CBL: variants seen among roughly 807,000 people sequenced by gnomAD.
CBL encodes the protein E3 ubiquitin-protein ligase CBL.
In CBL, 45 loss-of-function variants were observed where a neutral mutation model predicts 96.9. The observed-to-expected ratio is 0.46, with a 90% CI of 0.37 to 0.60. The LOEUF (loss-of-function observed/expected upper bound fraction) is 0.60. Among genes scored for constraint, CBL ranks in the 20% least tolerant of loss-of-function variants. CBL has a pLI of 0.00. For missense variants in CBL, 1,024 were observed against 1,143.5 expected (o/e 0.90, Z 1.51); for synonymous variants, 420 against 426.8 (o/e 0.98, Z 0.20).
chr11:119,304,057 AG>A lies in CBL; in HGVS notation c.*4277del, dbSNP rs776260082. ...TTAGTCAGTTGTTGGGTCTTCCAAG[AG>A]CCAGACATTAATACAGATTGAACTC... On this transcript the variant is annotated 3_prime_UTR_variant, in exon 16 of 16. Transcript: ENST00000264033. The A allele has an allele frequency of 4.3e-6, 1 of 233,692 alleles. No individual in the cohort carries two copies. Among genetic ancestry groups the A allele is most frequent in the Non-Finnish European group, 8.5e-6 (1 of 118,058 alleles). The allele number at this position is 233,692 out of a possible 1,614,324, so 14.5% of individuals were successfully genotyped here. A position where few individuals can be genotyped will look rare whatever the true frequency, so the allele number is the denominator to read the frequency against.
intron 1 of CBL, among the ~76,000 whole-genome samples, chr11:119,215,429 A>T (rs34057419): frequency 0.11 from 16,110 of 144,250 alleles, 1,095 homozygotes; most frequent in Non-Finnish European, 0.15. Context: ...AACAGCCTAA[A>T]TTTTTTTTTT....
chr11:119,227,117 A>G (rs1369040443), intron 1 of CBL, among the ~76,000 whole-genome samples: 1 of 152,034 alleles, frequency 6.6e-6, no homozygotes, highest in Non-Finnish European at 1.5e-5. Context: ...TTGAATATCC[A>G]TATAACCATT....
rs534836222 is a variant in CBL, at chr11:119,290,270, T to A, written c.2036+2324T>A. ...CATGTTGCCCAGGCTGGTCTCGAACTTCTGGGCTCAAGAGGTTTGCCCGCC... is the reference window on the plus strand; with the variant it reads ...CATGTTGCCCAGGCTGGTCTCGAACATCTGGGCTCAAGAGGTTTGCCCGCC... On this transcript the variant is annotated intron_variant, in intron 12 of 15. Transcript: ENST00000264033. Among the ~76,000 whole-genome samples, 3 of 152,206 alleles carry A rather than the reference T, an allele frequency of 2.0e-5. No individual in the cohort carries two copies. The South Asian group carries it at 6.2e-4, about 32-fold the overall frequency.
At chr11:119,251,513 T>A (rs116897581) in intron 2 of CBL, among the ~76,000 whole-genome samples, 2,511 of 152,342 alleles carry the variant, frequency 0.016, 38 homozygotes, top group Middle Eastern at 0.054. Flanking sequence ...ACTTCAAACA[T>A]CATATAAAGT....
chr11:119,228,127 T>C (rs931346142), intron 1 of CBL, among the ~76,000 whole-genome samples: 2 of 152,044 alleles, frequency 1.3e-5, no homozygotes, highest in Non-Finnish European at 2.9e-5. Flanking sequence ...TGTATTCTCT[T>C]TTTTTTGAGA....
chr11:119,227,999 A>G (rs1223151533), intron 1 of CBL, among the ~76,000 whole-genome samples: 1 of 151,416 alleles, frequency 6.6e-6, no homozygotes, highest in Non-Finnish European at 1.5e-5. Context: ...AACTGGTACA[A>G]CCTTTAACTT....
intron 12 of CBL, among the ~76,000 whole-genome samples, chr11:119,295,909 C>CA (rs1473131762): frequency 4.6e-5 from 7 of 152,058 alleles, no homozygotes; most frequent in Non-Finnish European, 8.8e-5. Flanking sequence ...TTGTAGATAC[C>CA]AATACACTTC....
At chr11:119,266,084 T>C (rs1448747324) in intron 2 of CBL, among the ~76,000 whole-genome samples, 1 of 150,518 alleles carries the variant, frequency 6.6e-6, no homozygotes, top group Non-Finnish European at 1.5e-5. Context: ...CTGGTCCAGC[T>C]ATTCAGGAGG....
chr11:119,252,466 G>T (rs1310180823), intron 2 of CBL, among the ~76,000 whole-genome samples: 1 of 152,068 alleles, frequency 6.6e-6, no homozygotes, highest in Non-Finnish European at 1.5e-5. Flanking sequence ...CTTCCATTGT[G>T]CTTTCTGTTA....
At chr11:119,273,764 G>A in intron 3 of CBL, 104 bp from the exon 4 acceptor site, 1 of 947,410 alleles carries the variant, frequency 1.1e-6, no homozygotes, top group South Asian at 1.4e-5. Flanking sequence ...ATTGAAATTG[G>A]TATTGAGAGC....
In CBL at chr11:119,232,576, A is replaced by G; in HGVS notation, c.324A>G (p.Thr108=). 1 of 1,614,148 alleles carries G rather than the reference A, an allele frequency of 6.2e-7. No homozygotes were observed. The highest frequency in any genetic ancestry group is 8.5e-7 in the Non-Finnish European group (1 of 1,180,002). Residue 108 remains threonine, a synonymous_variant, in exon 2 of 16, where the codon ACA becomes ACG. Coordinates refer to ENST00000264033, the MANE Select transcript of CBL (RefSeq NM_005188.4). ...ILSRYEGKME[T]LGENEYFRVF... ...CAAGATATGAGGGGAAGATGGAGAC[A>G]CTTGGAGAAAATGAGTATTTTAGGG...
rs1211132339 is a variant in CBL at position 119,206,567 on chromosome 11, G to A, written c.150G>A (p.Thr50=). Residue 50 remains threonine, a synonymous_variant, in exon 1 of 16, where the codon ACG becomes ACA. Transcript: ENST00000264033. ...HHHLSPHPPG[T]VDKKMVEKCW... ...ACCTCAGCCCCCACCCGCCGGGGAC[G>A]GTGGACAAGAAGATGGTGGAGAAGT... 6.5e-7 allele frequency: 1 copy of A among 1,549,572 alleles called. No homozygotes were observed. The highest frequency in any genetic ancestry group is 8.7e-7 in the Non-Finnish European group (1 of 1,146,642).
intron 2 of CBL, among the ~76,000 whole-genome samples, chr11:119,266,032 A>AAAAAAAG (rs1213584463): frequency 7.9e-4 from 118 of 148,912 alleles, no homozygotes; most frequent in Middle Eastern, 3.4e-3. Flanking sequence ...AAAAAAAAAA[A>AAAAAAAG]AAAGAAAGAA....
intron 5 of CBL, among the ~76,000 whole-genome samples, chr11:119,275,684 G>A (rs372663951): frequency 6.6e-6 from 1 of 151,548 alleles, no homozygotes; most frequent in Admixed American, 6.6e-5. Context: ...CCAACATGGC[G>A]AAACCCCATC....
chr11:119,219,791 C>T (rs1417749521), intron 1 of CBL, among the ~76,000 whole-genome samples: 1 of 150,924 alleles, frequency 6.6e-6, no homozygotes, highest in Non-Finnish European at 1.5e-5. Context: ...TCAAGTGATT[C>T]TCCTGCCTCA....
At chr11:119,257,708 T>C (rs954350863) in intron 2 of CBL, among the ~76,000 whole-genome samples, 3 of 152,192 alleles carry the variant, frequency 2.0e-5, no homozygotes, top group Admixed American at 2.0e-4. Flanking sequence ...TTAATACATC[T>C]TGAGTTGATT....
chr11:119,269,623 G>C (rs567778425), intron 2 of CBL, among the ~76,000 whole-genome samples: 1 of 152,130 alleles, frequency 6.6e-6, no homozygotes, highest in Non-Finnish European at 1.5e-5. Flanking sequence ...TTCCAGTATA[G>C]CATTAAAAAA....
intron 2 of CBL, among the ~76,000 whole-genome samples, chr11:119,256,322 G>A (rs905102850): frequency 6.6e-6 from 1 of 151,834 alleles, no homozygotes; most frequent in Admixed American, 6.6e-5. Flanking sequence ...TGGGATTACA[G>A]GCATCCGCCG....
intron 2 of CBL, among the ~76,000 whole-genome samples, chr11:119,258,058 G>T (rs57550282): frequency 0.012 from 1,768 of 152,000 alleles, 31 homozygotes; most frequent in African/African-American, 0.04. Flanking sequence ...GAAACCCCCT[G>T]TCTACCAAAA....
Sources: gnomAD v4.1 joint callset for allele counts (sites outside exome capture counted in the v4.1 genomes callset) on GRCh38, gnomAD v4.1.1 for gene constraint, MANE v1.5 for transcripts, NCBI Gene and HGNC (gene_info 2026-07-23, HGNC 2026-07-21) for gene names.